MRPL47: variants seen among roughly 807,000 people sequenced by gnomAD.
MRPL47 encodes the protein mitochondrial ribosomal protein L47, also known as large ribosomal subunit protein uL29m.
In MRPL47, 31 loss-of-function variants were observed where a neutral mutation model predicts 34.0. The observed-to-expected ratio is 0.91, with a 90% CI of 0.68 to 1.23. The LOEUF (loss-of-function observed/expected upper bound fraction) is 1.23. Among genes scored for constraint, MRPL47 ranks in the 50% most tolerant of loss-of-function variants. MRPL47 has a pLI of 0.00. For synonymous variants in MRPL47, 106 were observed against 101.6 expected, an observed-to-expected ratio of 1.04 and a Z score of -0.26; for missense variants, 328 against 285.8, an observed-to-expected ratio of 1.15 and a Z score of -1.07.
In MRPL47 at chr3:179,600,393, C is replaced by G. The variant is rs1040794934; in HGVS notation, c.305+1337G>C. ...CGGTGGCTCATGCCTATAATCCCAG[C>G]ACTTTGCGAGGCCAAGGCAGGCGGA... On this transcript the variant is annotated intron_variant, in intron 3 of 6. Coordinates refer to ENST00000476781, the MANE Select transcript of MRPL47 (RefSeq NM_020409.3). 2.0e-5 allele frequency among the ~76,000 whole-genome samples: 3 copies of G among 152,152 alleles called. No individual in the cohort carries two copies. The East Asian group carries it at 5.8e-4, about 29-fold the overall frequency.
At chr3:179,596,333 AT>A (rs11338795) in intron 4 of MRPL47, among the ~76,000 whole-genome samples, 9,350 of 152,102 alleles carry the variant, frequency 0.061, 340 homozygotes, top group South Asian at 0.16. Flanking sequence ...TATATTGAGA[AT>A]TTTTTTTACA....
At chr3:179,603,607 T>C (rs1718982111) in intron 1 of MRPL47, among the ~76,000 whole-genome samples, 1 of 152,218 alleles carries the variant, frequency 6.6e-6, no homozygotes, top group Non-Finnish European at 1.5e-5. Context: ...CTTCCTCCTT[T>C]AATTCAGTAA....
rs911920710 is a variant in MRPL47, at chr3:179,592,666, G to A, written c.607C>T (p.Pro203Ser). The A allele has an allele frequency of 1.1e-5, 17 of 1,612,660 alleles. No individual in the cohort carries two copies. The highest frequency in any genetic ancestry group is 1.4e-5 in the Non-Finnish European group (17 of 1,178,710). Reference protein sequence around the residue: ...RYNRKRFFALPYVDHFLRLER... With the variant: ...RYNRKRFFALSYVDHFLRLER... ...CACCTGAGAAAATGGTCCACATAAG[G>A]CAAGGCAAAGAATCGTTTCCTATTG... Residue 203 changes from proline to serine, a missense_variant, in exon 6 of 7, where the codon CCT (proline) becomes TCT (serine). By Grantham distance (74) the Pro-to-Ser change is moderately conservative. Transcript: ENST00000476781.
Position 179,601,747 on chromosome 3 carries a change from T to C in MRPL47, c.288A>G (p.Glu96=). Residue 96 remains glutamate (E), a synonymous_variant, in exon 3 of 7, where the codon GAA becomes GAG. Coordinates refer to ENST00000476781, the MANE Select transcript of MRPL47 (RefSeq NM_020409.3). ...TCQQLRNKSN[E]DLHKLWYVLL... ...ATACTTACCAAAGTTTGTGTAAATCTTCATTACTTTTGTTCCTTAGTTGCT... is the reference window on the plus strand; with the variant it reads ...ATACTTACCAAAGTTTGTGTAAATCCTCATTACTTTTGTTCCTTAGTTGCT... 1 of 1,606,884 alleles carries C rather than the reference T, an allele frequency of 6.2e-7. No individual in the cohort carries two copies. Among genetic ancestry groups the C allele is most frequent in the Non-Finnish European group, 8.5e-7 (1 of 1,173,850 alleles).
At chr3:179,601,615 T>A in intron 3 of MRPL47, 115 bp downstream of exon 3, 1 of 677,796 alleles carries the variant, frequency 1.5e-6, no homozygotes, top group Middle Eastern at 3.4e-4. Context: ...TCATCCATAG[T>A]ACTACAAAAG....
chr3:179,604,254 C>T (rs1719003255), intron 1 of MRPL47, among the ~76,000 whole-genome samples: 1 of 152,210 alleles, frequency 6.6e-6, no homozygotes. Flanking sequence ...TGCTTCTGTA[C>T]TTATAGATGT....
At chr3:179,596,933 T>C (rs1475111068) in intron 4 of MRPL47, among the ~76,000 whole-genome samples, 2 of 152,254 alleles carry the variant, frequency 1.3e-5, no homozygotes, top group African/African-American at 4.8e-5. Flanking sequence ...GTATCAATGT[T>C]AATTTCCTGA....
At chr3:179,592,607 A>G (rs563292013) in intron 6 of MRPL47, 37 bp downstream of exon 6, 6 of 1,271,424 alleles carry the variant, frequency 4.7e-6, no homozygotes, top group East Asian at 4.6e-5. Context: ...CATCTGGTAT[A>G]AAGATAATAT....
At chr3:179,604,002 TC>T (rs1718994935) in intron 1 of MRPL47, among the ~76,000 whole-genome samples, 2 of 69,356 alleles carry the variant, frequency 2.9e-5, no homozygotes, top group African/African-American at 1.6e-4. Flanking sequence ...AAGAAATTGT[TC>T]CGGATAGAGA....
At chr3:179,604,492 G>C in intron 1 of MRPL47, 35 bp downstream of exon 1, 1 of 1,577,266 alleles carries the variant, frequency 6.3e-7, no homozygotes, top group Non-Finnish European at 8.7e-7. Flanking sequence ...TCCAAAGTTG[G>C]AGAGGTGGGC....
intron 3 of MRPL47, among the ~76,000 whole-genome samples, chr3:179,600,063 G>A (rs902521461): frequency 1.1e-4 from 16 of 151,968 alleles, no homozygotes; most frequent in African/African-American, 3.6e-4. Context: ...GGAGGTTGCA[G>A]TGGGCTGAGA....
chr3:179,603,882 T>C (rs1718989505), intron 1 of MRPL47, among the ~76,000 whole-genome samples: 1 of 151,204 alleles, frequency 6.6e-6, no homozygotes, highest in Admixed American at 6.6e-5. Context: ...CTACCAAAAA[T>C]ATTTAGCCTA....
In MRPL47 at chr3:179,602,709, C is replaced by G. The variant is rs764890997; in HGVS notation, c.187G>C (p.Gly63Arg). 34 of 1,612,218 alleles carry G rather than the reference C, an allele frequency of 2.1e-5. No individual in the cohort carries two copies. Among genetic ancestry groups the G allele is most frequent in the Non-Finnish European group, 2.7e-5 (32 of 1,179,390 alleles). ...GGGTCATCAAAAAATTCTTCTAGTC[C>G]TTTCCTTGACAATGTGGTATGAAGT... ...RLLHTTLSRK[G>R]LEEFFDDPKN... The change falls in exon 2 of 7, where the codon GGA becomes CGA. Residue 63 changes from glycine (G) to arginine (R), a missense_variant. By Grantham distance (125) the Gly-to-Arg change is moderately radical. Coordinates refer to ENST00000476781, the MANE Select transcript of MRPL47 (RefSeq NM_020409.3).
intron 1 of MRPL47, among the ~76,000 whole-genome samples, chr3:179,603,914 T>C (rs1718990975): frequency 6.7e-6 from 1 of 149,002 alleles, no homozygotes; most frequent in African/African-American, 2.5e-5. Flanking sequence ...GAGGAAACAA[T>C]CAGACAAATC....
In MRPL47 at chr3:179,603,474, G is replaced by A. The variant is rs1023002966; in HGVS notation, c.99-677C>T. Among the ~76,000 whole-genome samples the A allele has an allele frequency of 2.0e-5, 3 of 152,282 alleles. No individual in the cohort carries two copies. In the East Asian group the frequency reaches 5.8e-4, roughly 29 times the overall value. On this transcript the variant is annotated intron_variant, in intron 1 of 6. Transcript: ENST00000476781. ...GGACGCTTTGAGCCTGGGAGGCAGA[G>A]GTTTCAGTGAGCTGAGATCACACCA...
chr3:179,602,842 G>A (rs764353176), intron 1 of MRPL47, 45 bp from the exon 2 acceptor site: 24 of 1,419,416 alleles, frequency 1.7e-5, no homozygotes, highest in Non-Finnish European at 5.8e-6. Context: ...TATAATATCT[G>A]GATTTTATAA....
chr3:179,589,122 A>T, intron 6 of MRPL47, 127 bp from the exon 7 acceptor site: 2 of 890,604 alleles, frequency 2.2e-6, no homozygotes, highest in South Asian at 2.0e-5. Flanking sequence ...TTGGTGTGTT[A>T]TATATATTAT....
chr3:179,591,068 T>G (rs957152230), intron 6 of MRPL47, among the ~76,000 whole-genome samples: 1 of 152,228 alleles, frequency 6.6e-6, no homozygotes, highest in South Asian at 2.1e-4. Flanking sequence ...TTAAATTGTT[T>G]TTAAAAATTT....
chr3:179,596,755 C>T (rs1479538616), intron 4 of MRPL47, among the ~76,000 whole-genome samples: 5 of 152,122 alleles, frequency 3.3e-5, no homozygotes, highest in African/African-American at 1.2e-4. Flanking sequence ...AGGCCCTATA[C>T]TTTTAAAAAA....
Sources: gnomAD v4.1 joint callset for allele counts (sites outside exome capture counted in the v4.1 genomes callset) on GRCh38, gnomAD v4.1.1 for gene constraint, MANE v1.5 for transcripts, NCBI Gene and HGNC (gene_info 2026-07-23, HGNC 2026-07-21) for gene names.